The following THSD7B variants were observed in gnomAD, a reference collection of about 807,000 sequenced individuals.
THSD7B encodes thrombospondin type-1 domain-containing protein 7B.
THSD7B carries 138 observed loss-of-function variants against 213.6 expected under a neutral mutation model. That is an observed-to-expected ratio of 0.65 (90% CI 0.56 to 0.74). The LOEUF (loss-of-function observed/expected upper bound fraction) is 0.74. Ranked by LOEUF, THSD7B falls within the 30% of genes least tolerant of loss-of-function variation. THSD7B has a pLI of 0.00. For missense variants in THSD7B, 1,931 were observed against 1,991.5 expected, an observed-to-expected ratio of 0.97 and a Z score of 0.58; for synonymous variants, 742 against 687.0, an observed-to-expected ratio of 1.08 and a Z score of -1.25.
intron 5 of THSD7B, among the ~76,000 whole-genome samples, chr2:137,136,048 A>G (rs1420431280): frequency 6.6e-6 from 1 of 152,162 alleles, no homozygotes; most frequent in Non-Finnish European, 1.5e-5. Context: ...AAACTGACAC[A>G]AGAACAGGAA....
At chr2:136,811,535 A>G (rs1041138571) in intron 1 of THSD7B, among the ~76,000 whole-genome samples, 5 of 152,116 alleles carry the variant, frequency 3.3e-5, no homozygotes, top group African/African-American at 1.2e-4. Context: ...TTTATCATGA[A>G]AATTTCTTTT....
chr2:136,832,752 G>C (rs1177228640), intron 1 of THSD7B, among the ~76,000 whole-genome samples: 1 of 152,140 alleles, frequency 6.6e-6, no homozygotes, highest in East Asian at 1.9e-4. Context: ...GAACTATGCT[G>C]GTCCAGATGG....
At chr2:137,348,488 G>A (rs998290882) in intron 12 of THSD7B, among the ~76,000 whole-genome samples, 2 of 151,650 alleles carry the variant, frequency 1.3e-5, no homozygotes, top group Non-Finnish European at 3.0e-5. Flanking sequence ...TCCATGGAGT[G>A]TGCCAGAAAT....
intron 5 of THSD7B, among the ~76,000 whole-genome samples, chr2:137,140,020 A>C (rs946529543): frequency 1.3e-5 from 2 of 152,284 alleles, no homozygotes; most frequent in African/African-American, 4.8e-5. Flanking sequence ...ATGTAGTGCA[A>C]AAAGTTTAAA....
At chr2:137,529,208 A>T (rs1680335703) in intron 15 of THSD7B, among the ~76,000 whole-genome samples, 1 of 151,964 alleles carries the variant, frequency 6.6e-6, no homozygotes, top group South Asian at 2.1e-4. Context: ...CCTCTGGACT[A>T]TGGGCAATCT....
chr2:137,031,711 A>G (rs991159727), intron 2 of THSD7B, among the ~76,000 whole-genome samples: 1 of 152,250 alleles, frequency 6.6e-6, no homozygotes, highest in Admixed American at 6.5e-5. Flanking sequence ...ACAGTAACAA[A>G]ATATATTCAA....
intron 15 of THSD7B, among the ~76,000 whole-genome samples, chr2:137,485,160 A>G (rs1573653689): frequency 2.5e-5 from 1 of 39,298 alleles, no homozygotes; most frequent in Non-Finnish European, 5.6e-5. Flanking sequence ...TTTAGGTCTA[A>G]CATTTAAGTC....
At chr2:136,986,869 A>T (rs904261807) in intron 2 of THSD7B, among the ~76,000 whole-genome samples, 15 of 152,218 alleles carry the variant, frequency 9.9e-5, no homozygotes, top group African/African-American at 3.6e-4. Context: ...AGCATAGCTT[A>T]TAATTTTGCA....
At chr2:137,453,755 C>T (rs540386522) in intron 15 of THSD7B, among the ~76,000 whole-genome samples, 59 of 152,250 alleles carry the variant, frequency 3.9e-4, no homozygotes, top group African/African-American at 1.4e-3. Flanking sequence ...GCCCTTTGAG[C>T]ATCATCCCCC....
At chr2:136,940,184 C>G (rs1346737) in intron 2 of THSD7B, among the ~76,000 whole-genome samples, 1 of 151,854 alleles carries the variant, frequency 6.6e-6, no homozygotes, top group African/African-American at 2.4e-5. Context: ...ACCCTCCAAC[C>G]CTTCCTAATC....
chr2:136,880,143 C>A (rs1289760430), intron 1 of THSD7B, among the ~76,000 whole-genome samples: 1 of 152,158 alleles, frequency 6.6e-6, no homozygotes, highest in Non-Finnish European at 1.5e-5. Flanking sequence ...AACTCTCCAC[C>A]TCAAATCAAC....
At chr2:137,603,888 A>G (rs1273500191) in intron 17 of THSD7B, among the ~76,000 whole-genome samples, 1 of 152,196 alleles carries the variant, frequency 6.6e-6, no homozygotes, top group Non-Finnish European at 1.5e-5. Context: ...AGGTGGATGG[A>G]TCACCTGAGG....
At chr2:137,464,489 C>A (rs573310788) in intron 15 of THSD7B, among the ~76,000 whole-genome samples, 1 of 152,004 alleles carries the variant, frequency 6.6e-6, no homozygotes, top group Admixed American at 6.6e-5. Context: ...GGAGGCTGTG[C>A]GAAACACTTG....
At chr2:137,495,878 T>A (rs1211492517) in intron 15 of THSD7B, among the ~76,000 whole-genome samples, 5 of 152,208 alleles carry the variant, frequency 3.3e-5, no homozygotes, top group Non-Finnish European at 4.4e-5. Flanking sequence ...ACTCCAGTTC[T>A]ACCCCCCTGG....
intron 2 of THSD7B, among the ~76,000 whole-genome samples, chr2:137,006,175 C>T (rs371141987): frequency 1.2e-4 from 19 of 152,018 alleles, no homozygotes; most frequent in African/African-American, 4.1e-4. Context: ...GGGCAGATCA[C>T]GAGGTCAGGA....
intron 14 of THSD7B, among the ~76,000 whole-genome samples, chr2:137,414,670 T>C (rs1686752824): frequency 6.6e-6 from 1 of 152,070 alleles, no homozygotes; most frequent in South Asian, 2.1e-4. Flanking sequence ...CAGTGAGCCA[T>C]GATTGTGTCA....
At position 137,629,523 on chromosome 2, in the gene THSD7B, G is replaced by A. The variant is rs185875688; in HGVS notation, c.3799+8797G>A. ...TTGTCTACAAACAACAAAAACCCATGCAAATTTCAATCCTACTATTCAGGA... is the reference window on the plus strand; with the variant it reads ...TTGTCTACAAACAACAAAAACCCATACAAATTTCAATCCTACTATTCAGGA... On this transcript the variant is annotated intron_variant, in intron 20 of 27. Transcript: ENST00000409968. Among the ~76,000 whole-genome samples, 8 of 152,270 alleles carry A rather than the reference G, an allele frequency of 5.3e-5. No individual in the cohort carries two copies. In the East Asian group the frequency reaches 1.2e-3, roughly 22 times the overall value.
chr2:137,011,686 G>A (rs1346933243), intron 2 of THSD7B, among the ~76,000 whole-genome samples: 1 of 152,160 alleles, frequency 6.6e-6, no homozygotes. Flanking sequence ...TGCTTGTGCA[G>A]CACCACAAGC....
At chr2:137,113,581 C>T (rs757466968) in intron 4 of THSD7B, among the ~76,000 whole-genome samples, 2 of 152,078 alleles carry the variant, frequency 1.3e-5, no homozygotes, top group African/African-American at 2.4e-5. Flanking sequence ...GGATTACAGG[C>T]ATGTGCCACC....
Sources: gnomAD v4.1 joint callset for allele counts (sites outside exome capture counted in the v4.1 genomes callset) on GRCh38, gnomAD v4.1.1 for gene constraint, MANE v1.5 for transcripts, NCBI Gene and HGNC (gene_info 2026-07-23, HGNC 2026-07-21) for gene names.